The following ITGA1 variants were observed in gnomAD, a reference collection of about 807,000 sequenced individuals.
The protein encoded by ITGA1 is integrin subunit alpha 1, also known as integrin alpha-1.
A neutral mutation model predicts 145.9 loss-of-function variants in ITGA1; 85 were observed. The observed-to-expected ratio is 0.58, with a 90% confidence interval of 0.49 to 0.70. The LOEUF (loss-of-function observed/expected upper bound fraction) is 0.70. Ranked by LOEUF, ITGA1 falls within the 30% of genes least tolerant of loss-of-function variation. ITGA1 has a pLI of 0.00. For synonymous variants in ITGA1, 520 were observed against 495.3 expected (o/e 1.05, Z -0.66); for missense variants, 1,351 against 1,418.7 (o/e 0.95, Z 0.77).
At chr5:52,900,573 A>T (rs1750298141) in intron 11 of ITGA1, among the ~76,000 whole-genome samples, 2 of 152,208 alleles carry the variant, frequency 1.3e-5, no homozygotes, top group African/African-American at 4.8e-5. Context: ...CACTTAATGA[A>T]TATTACACAC....
rs1395111370 is a variant in ITGA1 at position 52,921,166 on chromosome 5, A to G, written c.2292+698A>G. On this transcript the variant is annotated intron_variant, in intron 17 of 28. Transcript: ENST00000282588. ...TCCTAAACATTTTCTTAAAATGTAC[A>G]TGAGAGTGATAAAAACAAGAAGCAG... 2.6e-5 allele frequency among the ~76,000 whole-genome samples: 4 copies of G among 152,248 alleles called. No homozygotes were observed. The East Asian group carries it at 5.8e-4, about 22-fold the overall frequency.
At position 52,920,445 on chromosome 5, in the gene ITGA1, A is replaced by G. The variant is rs768617401; in HGVS notation, c.2269A>G (p.Thr757Ala). 1 of 1,606,882 alleles carries G rather than the reference A, an allele frequency of 6.2e-7. No individual in the cohort carries two copies. The highest frequency in any genetic ancestry group is 2.3e-5 in the East Asian group (1 of 44,402). The change falls in exon 17 of 29, where the codon ACT (threonine) becomes GCT (alanine). Residue 757 changes from threonine to alanine, a missense_variant. By Grantham distance (58) the Thr-to-Ala change is moderately conservative. Coordinates refer to ENST00000282588, the MANE Select transcript of ITGA1 (RefSeq NM_181501.2). ...RNITVRKSEC[T>A]KHSFYMLDKH... ...CATCACAGTTCGAAAATCAGAATGC[A>G]CTAAGCACTCCTTCTACATGTTGGC...
At chr5:52,938,088 G>T (rs1750998931) in intron 24 of ITGA1, among the ~76,000 whole-genome samples, 2 of 152,144 alleles carry the variant, frequency 1.3e-5, no homozygotes. Flanking sequence ...GTTCTAGGGA[G>T]ATTTAGGCAT....
chr5:52,808,677 T>C (rs1561214728), intron 1 of ITGA1, among the ~76,000 whole-genome samples: 1 of 17,236 alleles, frequency 5.8e-5, no homozygotes, highest in South Asian at 2.1e-3. Context: ...TCTTTCTTTC[T>C]TTTTTTTTTT....
At chr5:52,950,929 T>C (rs978995245) in intron 28 of ITGA1, among the ~76,000 whole-genome samples, 5 of 152,180 alleles carry the variant, frequency 3.3e-5, no homozygotes, top group African/African-American at 1.2e-4. Flanking sequence ...TCTGGAACTT[T>C]TATACTTGGC....
chr5:52,933,807 T>C, intron 22 of ITGA1, 87 bp from the exon 23 acceptor site: 1 of 537,998 alleles, frequency 1.9e-6, no homozygotes, highest in Non-Finnish European at 3.3e-6. Flanking sequence ...TTTTGTGGAA[T>C]TACATGATAT....
At chr5:52,930,628 T>G (rs2111887170) in intron 21 of ITGA1, among the ~76,000 whole-genome samples, 1 of 152,198 alleles carries the variant, frequency 6.6e-6, no homozygotes, top group Non-Finnish European at 1.5e-5. Flanking sequence ...CCAAGAAAGC[T>G]TTATCAAGGA....
At chr5:52,938,545 TA>T (rs1268956383) in intron 24 of ITGA1, among the ~76,000 whole-genome samples, 1 of 152,162 alleles carries the variant, frequency 6.6e-6, no homozygotes, top group African/African-American at 2.4e-5. Flanking sequence ...AATTTCCCTC[TA>T]ATCCAAAAAA....
chr5:52,920,318 T>C lies in ITGA1; in HGVS notation c.2156-14T>C. The C allele has an allele frequency of 6.4e-7, 1 of 1,571,138 alleles. No individual in the cohort carries two copies. Among genetic ancestry groups the C allele is most frequent in the Non-Finnish European group, 8.6e-7 (1 of 1,159,746 alleles). ...ATAAACATTTCCATCAATTATTTTT[T>C]AAAATTTTTGTAGATTTGCAGTACC... is the stretch of plus-strand genomic sequence containing the variant. On this transcript the variant is annotated splice_polypyrimidine_tract_variant and intron_variant, in intron 16 of 28. Coordinates refer to ENST00000282588, the MANE Select transcript of ITGA1 (RefSeq NM_181501.2).
At chr5:52,939,966 T>C in intron 26 of ITGA1, 22 bp downstream of exon 26, 1 of 1,224,646 alleles carries the variant, frequency 8.2e-7, no homozygotes, top group Non-Finnish European at 1.2e-6. Flanking sequence ...CATAGTTCTA[T>C]GCACTTATTG....
chr5:52,883,466 C>A (rs12520768), intron 7 of ITGA1, among the ~76,000 whole-genome samples: 42,623 of 152,114 alleles, frequency 0.28, 6,908 homozygotes, highest in Admixed American at 0.43. Flanking sequence ...CATTAAAATT[C>A]TGTAGTGATA....
At position 52,953,834 on chromosome 5, in the gene ITGA1, C is replaced by T. The variant is rs1356574623; in HGVS notation, c.*1383C>T. 2.0e-5 allele frequency: 3 copies of T among 152,328 alleles called. No homozygotes were observed. The highest frequency in any genetic ancestry group is 4.1e-4 in the South Asian group (2 of 4,830). 9.4% of individuals were successfully genotyped at this position (152,328 alleles called of 1,614,324 possible). A position where few individuals can be genotyped will look rare whatever the true frequency, so the allele number is the denominator to read the frequency against. On this transcript the variant is annotated 3_prime_UTR_variant, in exon 29 of 29. Transcript: ENST00000282588. ...CTGACATTTCTGCAACAACATTTCT[C>T]CATCTGATTTACCAGAACCTGTAAC...
intron 15 of ITGA1, among the ~76,000 whole-genome samples, chr5:52,916,406 G>A (rs1208611673): frequency 6.6e-6 from 1 of 151,938 alleles, no homozygotes; most frequent in African/African-American, 2.4e-5. Context: ...TTAATGCATT[G>A]GTTTACTGTA....
intron 6 of ITGA1, among the ~76,000 whole-genome samples, chr5:52,867,468 G>T (rs1749705794): frequency 6.6e-6 from 1 of 152,160 alleles, no homozygotes; most frequent in Non-Finnish European, 1.5e-5. Context: ...CTTCTCAAGT[G>T]AAATTACTAG....
In ITGA1 at chr5:52,908,891, G is replaced by A. The variant is rs372204785; in HGVS notation, c.1456-7G>A. The A allele has an allele frequency of 3.4e-5, 55 of 1,613,082 alleles. No homozygotes were observed. In the African/African-American group the frequency reaches 7.2e-4, roughly 21 times the overall value. ...ATTGGGCTGTTTTGTTTCATTTTGT[G>A]TCCTAGATTGGTTCCTACTTTGGCA... On this transcript the variant is annotated splice_region_variant and splice_polypyrimidine_tract_variant and intron_variant, in intron 12 of 28. Transcript: ENST00000282588.
Position 52,865,186 on chromosome 5 carries a change from G to A in ITGA1, c.496+104G>A, listed in dbSNP as rs1749668105. 1.3e-5 allele frequency: 10 copies of A among 784,426 alleles called. No individual in the cohort carries two copies. The South Asian group carries it at 2.0e-4, about 16-fold the overall frequency. The allele number at this position is 784,426 out of a possible 1,614,324, so 48.6% of individuals were successfully genotyped here. A position where few individuals can be genotyped will look rare whatever the true frequency, so the allele number is the denominator to read the frequency against. On this transcript the variant is annotated intron_variant, in intron 5 of 28. Coordinates refer to ENST00000282588, the MANE Select transcript of ITGA1 (RefSeq NM_181501.2). ...CCAAAAAGCTTAAAGTATTTTCTTA[G>A]CTACCAGCATTACCAATTTAGGTAA...
intron 17 of ITGA1, among the ~76,000 whole-genome samples, chr5:52,922,310 AACAAAC>A (rs1449049357): frequency 6.6e-6 from 1 of 152,034 alleles, no homozygotes; most frequent in African/African-American, 2.4e-5. Flanking sequence ...CAAACAAACA[AACAAAC>A]AAACAAACAA....
intron 1 of ITGA1, among the ~76,000 whole-genome samples, chr5:52,832,577 A>T (rs544449576): frequency 3.9e-5 from 6 of 152,284 alleles, no homozygotes; most frequent in African/African-American, 1.4e-4. Context: ...AGTTCTTCTA[A>T]TCTCCATATT....
rs763785015 is a variant in ITGA1, at chr5:52,897,475, G to C, written c.1111G>C (p.Ala371Pro). The C allele has an allele frequency of 6.2e-7, 1 of 1,612,768 alleles. No individual in the cohort carries two copies. The highest frequency in any genetic ancestry group is 8.5e-7 in the Non-Finnish European group (1 of 1,178,994). The change falls in exon 10 of 29, where the codon GCT becomes CCT. Residue 371 changes from alanine to proline, a missense_variant. Coordinates refer to ENST00000282588, the MANE Select transcript of ITGA1 (RefSeq NM_181501.2). ...ALEATADQSA[A>P]SFEMEMSQTG... The stretch of plus-strand genomic sequence containing the variant: ...TATAGCCACAGCTGACCAGTCAGCA[G>C]CTTCATTTGAAATGGAAATGTCTCA...
Sources: gnomAD v4.1 joint callset for allele counts (sites outside exome capture counted in the v4.1 genomes callset) on GRCh38, gnomAD v4.1.1 for gene constraint, MANE v1.5 for transcripts, NCBI Gene and HGNC (gene_info 2026-07-23, HGNC 2026-07-21) for gene names.